Variants in TRPC6 observed in about 807,000 individuals in gnomAD.
The protein encoded by TRPC6 is transient receptor potential cation channel subfamily C member 6, also known as short transient receptor potential channel 6.
Under a neutral mutation model 90.7 loss-of-function variants are expected in TRPC6, and 55 were observed. That is an observed-to-expected ratio of 0.61 (90% CI 0.49 to 0.76). The LOEUF is 0.76. Among genes scored for constraint, TRPC6 ranks in the 30% least tolerant of loss-of-function variants. The probability of loss-of-function intolerance (pLI) is 0.00; values close to 1 mark genes in which losing one functional copy is unlikely to be tolerated. For synonymous variants in TRPC6, 393 were observed against 393.0 expected (o/e 1.00, Z 0.00); for missense variants, 989 against 1,122.7 (o/e 0.88, Z 1.70).
intron 1 of TRPC6, among the ~76,000 whole-genome samples, chr11:101,515,439 T>C (rs1338336893): frequency 2.0e-5 from 3 of 152,256 alleles, no homozygotes; most frequent in East Asian, 1.9e-4. Flanking sequence ...TCTGTGACTA[T>C]ATATTTCCCT....
intron 1 of TRPC6, among the ~76,000 whole-genome samples, chr11:101,532,477 G>A (rs1860929653): frequency 6.6e-6 from 1 of 152,120 alleles, no homozygotes. Flanking sequence ...CCAGGATTTT[G>A]AGTCCTAGCC....
chr11:101,455,191 C>T (rs1464328962), intron 10 of TRPC6, 90 bp from the exon 11 acceptor site: 1 of 993,028 alleles, frequency 1.0e-6, no homozygotes, highest in Non-Finnish European at 1.6e-6. Context: ...AACTAATAGT[C>T]TTACATACAC....
intron 1 of TRPC6, among the ~76,000 whole-genome samples, chr11:101,563,675 T>C (rs1861765029): frequency 2.0e-5 from 3 of 152,066 alleles, no homozygotes; most frequent in Non-Finnish European, 4.4e-5. Flanking sequence ...TGGGAATATC[T>C]GCAAATGGGG....
intron 7 of TRPC6, among the ~76,000 whole-genome samples, chr11:101,473,277 G>A (rs1053997740): frequency 6.6e-6 from 1 of 151,902 alleles, no homozygotes; most frequent in Non-Finnish European, 1.5e-5. Flanking sequence ...ATAAAGGGAG[G>A]CATGCAAGGT....
intron 1 of TRPC6, among the ~76,000 whole-genome samples, chr11:101,558,024 A>C (rs1861597269): frequency 6.6e-6 from 1 of 152,064 alleles, no homozygotes; most frequent in Non-Finnish European, 1.5e-5. Flanking sequence ...AAAAAGAGAA[A>C]AACAGTCCTA....
At chr11:101,538,764 G>C (rs1010408848) in intron 1 of TRPC6, among the ~76,000 whole-genome samples, 1 of 152,166 alleles carries the variant, frequency 6.6e-6, no homozygotes, top group Non-Finnish European at 1.5e-5. Flanking sequence ...AGGCCACACT[G>C]CTGCTGGCTT....
intron 3 of TRPC6, among the ~76,000 whole-genome samples, chr11:101,490,666 G>C (rs1859783410): frequency 6.6e-6 from 1 of 152,150 alleles, no homozygotes; most frequent in African/African-American, 2.4e-5. Flanking sequence ...ATGTTGCCTA[G>C]GCTGGTCTCC....
rs1185592573 is a variant in TRPC6 at position 101,558,284 on chromosome 11, TGTATAC to T, written c.170+25044_170+25049del. On this transcript the variant is annotated intron_variant, in intron 1 of 12. Coordinates refer to ENST00000344327, the MANE Select transcript of TRPC6 (RefSeq NM_004621.6). Reference sequence around the variant, plus strand: ...ATGTATATGGGTATACATGTATATATGTATACATGTATATGGGTATACATGTATATA... The same window carrying T: ...ATGTATATGGGTATACATGTATATATATGTATATGGGTATACATGTATATA... 1.3e-3 allele frequency among the ~76,000 whole-genome samples: 171 copies of T among 129,848 alleles called. No homozygotes were observed. The East Asian group carries it at 0.031, about 23-fold the overall frequency. The allele number at this position is 129,848 out of a possible 152,430, so 85.2% of individuals were successfully genotyped here.
chr11:101,551,426 TTAAAG>T (rs1861447163), intron 1 of TRPC6, among the ~76,000 whole-genome samples: 1 of 152,068 alleles, frequency 6.6e-6, no homozygotes, highest in South Asian at 2.1e-4. Flanking sequence ...ATTTGACCAC[TTAAAG>T]TATTTTCTTT....
rs367841560 is a variant in TRPC6, at chr11:101,504,666, G to C, written c.303C>G (p.Arg101=). The C allele has an allele frequency of 1.1e-4, 183 of 1,604,658 alleles. No individual in the cohort carries two copies. The highest frequency in any genetic ancestry group is 1.5e-4 in the Non-Finnish European group (179 of 1,174,260). ...TACCATATTCAGCTGCATCCAAAAA[G>C]CGTTCCTCCTCTATAGATAGGCTTG... ...RSTSLSIEEE[R]FLDAAEYGNI... Residue 101 remains arginine, a synonymous_variant, in exon 2 of 13, where the codon CGC becomes CGG. Transcript: ENST00000344327.
chr11:101,471,313 A>C lies in TRPC6; in HGVS notation c.2279T>G (p.Leu760Arg), dbSNP rs187349423. 1 of 1,614,000 alleles carries C rather than the reference A, an allele frequency of 6.2e-7. No homozygotes were observed. Among genetic ancestry groups the C allele is most frequent in the Admixed American group, 1.7e-5 (1 of 60,010 alleles). ...CGGCACCAGATTGAAGGGTACAGGA[A>C]GTGTTCTGCCCTCCTCAAAGTAGGA... ...WFSYFEEGRT[L>R]PVPFNLVPSP... Residue 760 changes from leucine to arginine, a missense_variant, in exon 9 of 13, where the codon CTT becomes CGT. Transcript: ENST00000344327.
intron 1 of TRPC6, among the ~76,000 whole-genome samples, chr11:101,514,829 C>T (rs113870283): frequency 6.6e-5 from 10 of 152,270 alleles, no homozygotes; most frequent in African/African-American, 2.4e-4. Flanking sequence ...TTGAGAATAA[C>T]TGTGGACAAA....
At chr11:101,550,850 G>A (rs1410526544) in intron 1 of TRPC6, among the ~76,000 whole-genome samples, 3 of 151,586 alleles carry the variant, frequency 2.0e-5, no homozygotes, top group Non-Finnish European at 4.4e-5. Context: ...AATAATATAT[G>A]TGCTTAACTA....
At position 101,544,621 on chromosome 11, in the gene TRPC6, A is replaced by G. The variant is rs574021801; in HGVS notation, c.170+38713T>C. On this transcript the variant is annotated intron_variant, in intron 1 of 12. Coordinates refer to ENST00000344327, the MANE Select transcript of TRPC6 (RefSeq NM_004621.6). ...TGGAAACCATCATTCTCAGCAAACT[A>G]ACACAGGAACAGAAAAACAAACACC... Among the ~76,000 whole-genome samples the G allele has an allele frequency of 1.6e-3, 251 of 152,256 alleles. 1 individual carries two copies. Among genetic ancestry groups the G allele is most frequent in the African/African-American group, 5.8e-3 (239 of 41,550 alleles).
In TRPC6 at chr11:101,452,986, A is replaced by G. The variant is rs200326564; in HGVS notation, c.2765T>C (p.Met922Thr). Residue 922 changes from methionine (M) to threonine (T), a missense_variant, in exon 13 of 13, where the codon ATG (methionine) becomes ACG (threonine). Met to Thr is a moderately conservative substitution (Grantham distance 81). Around this residue, in one of 4 missense-constraint regions of TRPC6, gnomAD observed 191 missense variants for 196.7 expected, o/e 0.97. Transcript: ENST00000344327. The stretch of plus-strand genomic sequence containing the variant: ...ATTGGTTTCCTCTTGATTTGGTTCC[A>G]TGGATAATTTCTCTCCAAGTTCTCT... ...LIRELGEKLS[M>T]EPNQEETNR The G allele has an allele frequency of 1.2e-6, 2 of 1,613,940 alleles. No homozygotes were observed. Among genetic ancestry groups the G allele is most frequent in the East Asian group, 2.2e-5 (1 of 44,850 alleles).
At chr11:101,543,792 C>T (rs1324188641) in intron 1 of TRPC6, among the ~76,000 whole-genome samples, 1 of 152,084 alleles carries the variant, frequency 6.6e-6, no homozygotes, top group East Asian at 1.9e-4. Context: ...TTGAAGAAAA[C>T]CTAGGCAATA....
intron 1 of TRPC6, among the ~76,000 whole-genome samples, chr11:101,577,364 C>T (rs1862092179): frequency 6.6e-6 from 1 of 152,158 alleles, no homozygotes; most frequent in African/African-American, 2.4e-5. Context: ...GGAAATACCT[C>T]GTACTGCTGC....
In TRPC6 at chr11:101,469,334, A is replaced by C. The variant is rs542767716; in HGVS notation, c.2484+93T>G. ...GAATTATTTAATGGGTCTGTTCTCT[A>C]CTTGCTAAAATTGCTTCTGAACATC... is the stretch of plus-strand genomic sequence containing the variant. On this transcript the variant is annotated intron_variant, in intron 10 of 12. Transcript: ENST00000344327. 2.4e-4 allele frequency: 170 copies of C among 697,786 alleles called. No homozygotes were observed. In the African/African-American group the frequency reaches 2.8e-3, roughly 12 times the overall value. The allele number at this position is 697,786 out of a possible 1,614,324, so 43.2% of individuals were successfully genotyped here. A position where few individuals can be genotyped will look rare whatever the true frequency, so the allele number is the denominator to read the frequency against.
intron 1 of TRPC6, among the ~76,000 whole-genome samples, chr11:101,580,572 T>G (rs1201537823): frequency 6.7e-6 from 1 of 148,804 alleles, no homozygotes; most frequent in Admixed American, 6.7e-5. Context: ...TGAAGCCCCA[T>G]AAATATAAAT....
Sources: allele counts gnomAD v4.1 joint callset (sites outside exome capture counted in the v4.1 genomes callset), GRCh38; gene constraint gnomAD v4.1.1; regional missense constraint gnomAD v4.1.1; transcripts MANE v1.5; gene names NCBI Gene and HGNC (gene_info 2026-07-23, HGNC 2026-07-21).